The following PUS7 variants were observed in gnomAD, a reference collection of about 807,000 sequenced individuals.
PUS7 encodes the protein pseudouridine synthase 7.
Under a neutral mutation model 79.8 loss-of-function variants are expected in PUS7, and 48 were observed. The observed-to-expected ratio is 0.60, with a 90% confidence interval of 0.48 to 0.76. PUS7 has a LOEUF of 0.76. PUS7 is among the 30% of genes least tolerant of loss of function. The pLI, the probability that PUS7 is intolerant of heterozygous loss-of-function variation, is 0.00. For synonymous variants in PUS7, 286 were observed against 272.2 expected (o/e 1.05, Z -0.50); for missense variants, 729 against 797.6 (o/e 0.91, Z 1.04).
chr7:105,458,344 T>G (rs1486839919), intron 15 of PUS7, among the ~76,000 whole-genome samples: 1 of 151,946 alleles, frequency 6.6e-6, no homozygotes, highest in Non-Finnish European at 1.5e-5. Flanking sequence ...CACTGCAGCC[T>G]CCACCTCCCG....
chr7:105,492,806 C>T (rs1426923084), intron 6 of PUS7, among the ~76,000 whole-genome samples: 2 of 151,616 alleles, frequency 1.3e-5, no homozygotes, highest in African/African-American at 4.9e-5. Flanking sequence ...CGCGCCCGGC[C>T]GATTTTTTGT....
intron 14 of PUS7, among the ~76,000 whole-genome samples, chr7:105,460,558 A>C (rs1435893622): frequency 6.6e-6 from 1 of 152,172 alleles, no homozygotes; most frequent in Non-Finnish European, 1.5e-5. Flanking sequence ...ACTGAGTATT[A>C]AAATTTGTTT....
At chr7:105,511,981 TAAAAATACAAA>T (rs1825719394) in intron 1 of PUS7, among the ~76,000 whole-genome samples, 1 of 151,564 alleles carries the variant, frequency 6.6e-6, no homozygotes, top group Non-Finnish European at 1.5e-5. Context: ...CCATCTCTAC[TAAAAATACAAA>T]AAATTATCCA....
intron 7 of PUS7, 122 bp from the exon 8 acceptor site, chr7:105,482,562 G>A: frequency 9.6e-7 from 1 of 1,045,376 alleles, no homozygotes; most frequent in Non-Finnish European, 1.4e-6. Flanking sequence ...CCCCCTGAAA[G>A]GAAAAGGCAC....
intron 12 of PUS7, among the ~76,000 whole-genome samples, chr7:105,465,910 C>T (rs1823623573): frequency 6.6e-6 from 1 of 152,284 alleles, no homozygotes; most frequent in South Asian, 2.1e-4. Context: ...GTAATCCCAG[C>T]ACTCTGGGAT....
chr7:105,476,102 C>A (rs140468307), intron 9 of PUS7, among the ~76,000 whole-genome samples: 3 of 129,468 alleles, frequency 2.3e-5, no homozygotes, highest in Non-Finnish European at 3.1e-5. Context: ...CCAGCCTGGG[C>A]GACAGAGCAA....
At chr7:105,506,417 ATTTT>A (rs892471924) in intron 2 of PUS7, 144 bp from the exon 3 acceptor site, 2 of 567,320 alleles carry the variant, frequency 3.5e-6, no homozygotes. Context: ...CATGGAGTTA[ATTTT>A]TTTTTTCTTT....
At chr7:105,505,003 A>ATTTTTTTTTTTT (rs112752687) in intron 4 of PUS7, among the ~76,000 whole-genome samples, 40 of 142,620 alleles carry the variant, frequency 2.8e-4, no homozygotes, top group South Asian at 1.1e-3. Flanking sequence ...ATTTAACATA[A>ATTTTTTTTTTTT]TTTTTTTTTT....
intron 14 of PUS7, among the ~76,000 whole-genome samples, chr7:105,460,806 A>G (rs1001130662): frequency 1.3e-3 from 179 of 138,096 alleles, no homozygotes; most frequent in African/African-American, 4.4e-3. Flanking sequence ...GTGAGCCGAG[A>G]TCGCGCCACT....
At position 105,457,797 on chromosome 7, in the gene PUS7, A is replaced by T; in HGVS notation, c.1979T>A (p.Leu660His). 2 of 1,613,990 alleles carry T rather than the reference A, an allele frequency of 1.2e-6. No homozygotes were observed. The highest frequency in any genetic ancestry group is 1.7e-6 in the Non-Finnish European group (2 of 1,179,896). The change falls in exon 16 of 16, where the codon CTT becomes CAT. Residue 660 changes from leucine to histidine, a missense_variant. Physicochemically the swap from Leu to His is moderately conservative, Grantham distance 99. Transcript: ENST00000469408. ...KNQTQLNTTWLR is the reference protein window; with the variant it reads ...KNQTQLNTTWHR The stretch of plus-strand genomic sequence containing the variant: ...CTGTGGACAAGGTACTGCTCAGCGA[A>T]GCCAGGTTGTATTCAGCTGCGTCTG...
At chr7:105,487,787 A>C (rs1586136978) in intron 7 of PUS7, among the ~76,000 whole-genome samples, 1 of 152,228 alleles carries the variant, frequency 6.6e-6, no homozygotes, top group Non-Finnish European at 1.5e-5. Flanking sequence ...GACTGGCAGG[A>C]ACAGGCAGGA....
intron 4 of PUS7, among the ~76,000 whole-genome samples, chr7:105,503,416 G>A (rs748722931): frequency 9.9e-5 from 15 of 152,072 alleles, no homozygotes; most frequent in Non-Finnish European, 2.2e-4. Context: ...TCTAGCACAT[G>A]GGTTTACAGT....
rs1275652123 is a variant in PUS7, at chr7:105,457,633, A to T, written c.*157T>A. 6 of 673,358 alleles carry T rather than the reference A, an allele frequency of 8.9e-6. No individual in the cohort carries two copies. Among genetic ancestry groups the T allele is most frequent in the Non-Finnish European group, 1.4e-5 (6 of 442,074 alleles). 41.7% of individuals were successfully genotyped at this position (673,358 alleles called of 1,614,324 possible). A position where few individuals can be genotyped will look rare whatever the true frequency, so the allele number is the denominator to read the frequency against. Reference sequence around the variant, plus strand: ...ATTTGTGTACATGTACAAATATTGCAAATTATTTCTTTAAGCTAATAAAAA... The same window carrying T: ...ATTTGTGTACATGTACAAATATTGCTAATTATTTCTTTAAGCTAATAAAAA... On this transcript the variant is annotated 3_prime_UTR_variant, in exon 16 of 16. Coordinates refer to ENST00000469408, the MANE Select transcript of PUS7 (RefSeq NM_019042.5).
At chr7:105,519,676 C>T (rs977885758) in intron 1 of PUS7, among the ~76,000 whole-genome samples, 3 of 152,184 alleles carry the variant, frequency 2.0e-5, no homozygotes, top group Non-Finnish European at 4.4e-5. Context: ...AATACCATTT[C>T]CTGTCCTCAT....
intron 4 of PUS7, among the ~76,000 whole-genome samples, chr7:105,504,625 A>G (rs1825383889): frequency 6.6e-6 from 1 of 152,190 alleles, no homozygotes; most frequent in Non-Finnish European, 1.5e-5. Context: ...TAGATAGGAA[A>G]ACCTCAGTTT....
chr7:105,488,287 T>C (rs556504251), intron 7 of PUS7, among the ~76,000 whole-genome samples: 13 of 152,292 alleles, frequency 8.5e-5, no homozygotes, highest in African/African-American at 3.1e-4. Flanking sequence ...ACCCTCAAAT[T>C]AGCAAATGAC....
chr7:105,483,003 C>T (rs1252677991), intron 7 of PUS7, among the ~76,000 whole-genome samples: 3 of 151,976 alleles, frequency 2.0e-5, no homozygotes, highest in Admixed American at 2.0e-4. Context: ...TTATATATAG[C>T]TGGAATTCTA....
At chr7:105,466,124 C>T (rs1428628840) in intron 12 of PUS7, among the ~76,000 whole-genome samples, 1 of 150,074 alleles carries the variant, frequency 6.7e-6, no homozygotes, top group Non-Finnish European at 1.5e-5. Flanking sequence ...CACTACTGTG[C>T]TCCATCCTGG....
chr7:105,476,733 C>T (rs781707312), intron 9 of PUS7, among the ~76,000 whole-genome samples: 9 of 152,160 alleles, frequency 5.9e-5, no homozygotes, highest in African/African-American at 1.2e-4. Flanking sequence ...CAGCAAAGCC[C>T]AGGTTTCTAA....
Sources: gnomAD v4.1 joint callset for allele counts (sites outside exome capture counted in the v4.1 genomes callset) on GRCh38, gnomAD v4.1.1 for gene constraint, MANE v1.5 for transcripts, NCBI Gene and HGNC (gene_info 2026-07-23, HGNC 2026-07-21) for gene names.